LOC400499: variants seen among roughly 807,000 people sequenced by gnomAD.
the LOC400499 span, among the ~76,000 whole-genome samples, chr16:11,387,568 C>T: frequency 6.6e-6 from 1 of 152,180 alleles, no homozygotes; most frequent in Non-Finnish European, 1.5e-5. Flanking sequence ...GCCTACTCTG[C>T]TCCCCGGGTC....
chr16:11,387,638 A>ATTTGTTTTG, the LOC400499 span, among the ~76,000 whole-genome samples: 4 of 151,380 alleles, frequency 2.6e-5, no homozygotes, highest in African/African-American at 7.3e-5. Context: ...GGTCTAGGAA[A>ATTTGTTTTG]TTTTGTTTTT....
At chr16:11,510,966 C>T in the LOC400499 span, among the ~76,000 whole-genome samples, 26 of 151,030 alleles carry the variant, frequency 1.7e-4, no homozygotes, top group Middle Eastern at 6.8e-3. Flanking sequence ...ACAGAGGCCA[C>T]GTGCCAGGTG....
the LOC400499 span, among the ~76,000 whole-genome samples, chr16:11,465,798 G>T: frequency 6.0e-5 from 8 of 132,972 alleles, no homozygotes; most frequent in Non-Finnish European, 9.4e-5. Flanking sequence ...AGAGAGAGGG[G>T]GAAAGAGACT....
At chr16:11,396,371 G>A in the LOC400499 span, 1 of 808,220 alleles carries the variant, frequency 1.2e-6, no homozygotes, top group Non-Finnish European at 1.7e-6. Context: ...GCCCCATCCA[G>A]AATGCTGGTT....
the LOC400499 span, chr16:11,469,488 G>A: frequency 2.5e-6 from 1 of 399,112 alleles, no homozygotes; most frequent in Non-Finnish European, 4.4e-6. Context: ...GCAGTGAGCA[G>A]GGAGGGACGT....
At chr16:11,422,836 C>T in the LOC400499 span, among the ~76,000 whole-genome samples, 50 of 152,324 alleles carry the variant, frequency 3.3e-4, no homozygotes, top group East Asian at 1.4e-3. Flanking sequence ...CGCCACGGTC[C>T]GCTTGTCTCA....
chr16:11,461,153 C>T, the LOC400499 span: 1 of 1,511,450 alleles, frequency 6.6e-7, no homozygotes, highest in Admixed American at 2.0e-5. Context: ...ATGAGAGGGT[C>T]AGCCCCCAGG....
the LOC400499 span, among the ~76,000 whole-genome samples, chr16:11,377,384 G>A: frequency 6.6e-6 from 1 of 152,178 alleles, no homozygotes; most frequent in African/African-American, 2.4e-5. Flanking sequence ...ATGAAAGCAG[G>A]CATCATTGTT....
chr16:11,376,224 G>A, the LOC400499 span, among the ~76,000 whole-genome samples: 1 of 152,076 alleles, frequency 6.6e-6, no homozygotes, highest in Non-Finnish European at 1.5e-5. Flanking sequence ...TCCTTTTGTT[G>A]CTTGTGCCTT....
the LOC400499 span, among the ~76,000 whole-genome samples, chr16:11,478,173 G>A: frequency 2.7e-5 from 4 of 150,014 alleles, no homozygotes; most frequent in Admixed American, 6.7e-5. Flanking sequence ...GACTACAGAC[G>A]CCTGCCACCA....
the LOC400499 span, chr16:11,488,813 AG>A: frequency 7.5e-6 from 3 of 398,762 alleles, no homozygotes; most frequent in African/African-American, 6.2e-5. Flanking sequence ...GGCCCGTTTC[AG>A]GGGGTCGTGC....
At chr16:11,448,020 C>T in the LOC400499 span, 2 of 1,536,088 alleles carry the variant, frequency 1.3e-6, no homozygotes, top group Non-Finnish European at 1.7e-6. Context: ...GGCCCCGAGG[C>T]TGGCCCTGGG....
chr16:11,525,792 G>A, the LOC400499 span, among the ~76,000 whole-genome samples: 1 of 152,112 alleles, frequency 6.6e-6, no homozygotes, highest in Non-Finnish European at 1.5e-5. Context: ...TCCATTTCCT[G>A]AACGCTTGAA....
chr16:11,410,642 G>A, the LOC400499 span, among the ~76,000 whole-genome samples: 1 of 152,210 alleles, frequency 6.6e-6, no homozygotes, highest in East Asian at 1.9e-4. Flanking sequence ...ATGGTGGCTG[G>A]TAGGAAAATG....
At chr16:11,443,912 G>A in the LOC400499 span, among the ~76,000 whole-genome samples, 18 of 151,546 alleles carry the variant, frequency 1.2e-4, no homozygotes, top group African/African-American at 3.9e-4. Context: ...TCGGCTCACC[G>A]TAACGTCTGC....
chr16:11,424,966 C>T, the LOC400499 span, among the ~76,000 whole-genome samples: 1 of 152,112 alleles, frequency 6.6e-6, no homozygotes, highest in Non-Finnish European at 1.5e-5. Flanking sequence ...GAATGACGTC[C>T]CAGGGAAGGA....
the LOC400499 span, chr16:11,487,409 A>AGTACACTCT: frequency 2.5e-6 from 1 of 398,834 alleles, no homozygotes; most frequent in Non-Finnish European, 4.4e-6. Context: ...CAAGAACATC[A>AGTACACTCT]GTACACTCTG....
At chr16:11,389,874 C>T in the LOC400499 span, among the ~76,000 whole-genome samples, 1 of 152,102 alleles carries the variant, frequency 6.6e-6, no homozygotes, top group South Asian at 2.1e-4. Flanking sequence ...CAGCCTCAGC[C>T]ACTGCGCTCT....
chr16:11,469,661 T>G, the LOC400499 span: 1 of 399,134 alleles, frequency 2.5e-6, no homozygotes, highest in South Asian at 1.3e-4. Context: ...GGGAACCAGC[T>G]GCCCTTCTGG....
Sources: gnomAD v4.1 joint callset for allele counts (sites outside exome capture counted in the v4.1 genomes callset) on GRCh38, gnomAD v4.1.1 for gene constraint, MANE v1.5 for transcripts.